Variants in ARSG observed in about 807,000 individuals in gnomAD.
ARSG encodes the protein arylsulfatase G.
ARSG carries 37 observed loss-of-function variants against 50.5 expected under a neutral mutation model. The ratio of observed to expected loss-of-function variants is 0.73; its 90% CI spans 0.56 to 0.96. The LOEUF (loss-of-function observed/expected upper bound fraction) is 0.96. Ranked by LOEUF, ARSG falls within the 50% of genes least tolerant of loss-of-function variation. ARSG has a pLI of 0.00. For synonymous variants in ARSG, 225 were observed against 254.6 expected (o/e 0.88, Z 1.11); for missense variants, 629 against 675.3 (o/e 0.93, Z 0.76).
chr17:68,310,091 A>G (rs189085809), intron 2 of ARSG, among the ~76,000 whole-genome samples: 1 of 151,340 alleles, frequency 6.6e-6, no homozygotes, highest in African/African-American at 2.4e-5. Flanking sequence ...CTCCTGCCTC[A>G]GCCTCCCGAG....
chr17:68,290,341 G>A (rs544683866), upstream of ARSG, among the ~76,000 whole-genome samples: 65 of 152,336 alleles, frequency 4.3e-4, no homozygotes, highest in African/African-American at 1.2e-3. Context: ...AAAAAGAAAA[G>A]ACGACAACAA....
the ARSG span, among the ~76,000 whole-genome samples, chr17:68,440,406 G>A: frequency 1.8e-4 from 27 of 152,262 alleles, no homozygotes; most frequent in East Asian, 4.6e-3. Flanking sequence ...GTTACACAAA[G>A]CCTTTTTAAG....
intron 1 of ARSG, among the ~76,000 whole-genome samples, chr17:68,265,129 G>A (rs1262532808): frequency 6.7e-6 from 1 of 150,200 alleles, no homozygotes; most frequent in Non-Finnish European, 1.5e-5. Flanking sequence ...ACTCCAGCCT[G>A]GGCAACAAGG....
chr17:68,330,508 G>A (rs186531163), intron 2 of ARSG, among the ~76,000 whole-genome samples: 445 of 152,250 alleles, frequency 2.9e-3, no homozygotes, highest in Middle Eastern at 6.8e-3. Context: ...GAGTTGATAG[G>A]ACATGCTAAT....
chr17:68,295,164 A>G (rs2076161816), intron 1 of ARSG, among the ~76,000 whole-genome samples: 1 of 152,042 alleles, frequency 6.6e-6, no homozygotes, highest in African/African-American at 2.4e-5. Context: ...GGCAGAGAGG[A>G]CCTTGGGAGA....
intron 7 of ARSG, 22 bp from the exon 8 acceptor site, chr17:68,370,422 T>C (rs566033943): frequency 2.7e-5 from 44 of 1,613,098 alleles, no homozygotes; most frequent in South Asian, 2.6e-4. Context: ...TGGTGACCAT[T>C]AATGCTTTTT....
chr17:68,445,564 C>G, the ARSG span, among the ~76,000 whole-genome samples: 1 of 152,238 alleles, frequency 6.6e-6, no homozygotes, highest in African/African-American at 2.4e-5. Flanking sequence ...GGGCTCCTCT[C>G]TCTGGTGCTT....
intron 2 of ARSG, among the ~76,000 whole-genome samples, chr17:68,308,492 A>G (rs1452473413): frequency 3.3e-5 from 5 of 152,092 alleles, no homozygotes; most frequent in African/African-American, 1.2e-4. Context: ...TGGCTTCAGG[A>G]GTGAAGCTGC....
At position 68,322,290 on chromosome 17, in the gene ARSG, C is replaced by A. The variant is rs533551275; in HGVS notation, c.218+14579C>A. 4.6e-5 allele frequency among the ~76,000 whole-genome samples: 7 copies of A among 152,306 alleles called. No individual in the cohort carries two copies. The South Asian group carries it at 1.4e-3, about 32-fold the overall frequency. ...CAACTCTAAGCCCCATCTCATGAAA[C>A]CTACACCCGGCAAAGGAACTCAAAA... On this transcript the variant is annotated intron_variant, in intron 2 of 11. Transcript: ENST00000621439.
At chr17:68,272,320 T>G (rs1379691548) in intron 1 of ARSG, among the ~76,000 whole-genome samples, 2 of 152,218 alleles carry the variant, frequency 1.3e-5, no homozygotes, top group African/African-American at 4.8e-5. Flanking sequence ...TGAATGTAGC[T>G]CTTTTGAAAA....
chr17:68,428,635 A>G, the ARSG span: 2 of 548,200 alleles, frequency 3.6e-6, no homozygotes, highest in East Asian at 3.2e-5. Context: ...GCACTTTTCC[A>G]GATGATTACC....
chr17:68,272,812 T>A, intron 1 of ARSG: 2 of 1,609,370 alleles, frequency 1.2e-6, no homozygotes, highest in Non-Finnish European at 1.7e-6. Flanking sequence ...CACATACTGC[T>A]TGAGACTGGA....
chr17:68,327,409 G>T (rs1445193628), intron 2 of ARSG, among the ~76,000 whole-genome samples: 1 of 152,154 alleles, frequency 6.6e-6, no homozygotes, highest in Non-Finnish European at 1.5e-5. Context: ...TCCCTCCACA[G>T]CGCTAGGAGA....
At chr17:68,324,891 T>TA (rs1256467844) in intron 2 of ARSG, among the ~76,000 whole-genome samples, 2 of 152,170 alleles carry the variant, frequency 1.3e-5, no homozygotes, top group Non-Finnish European at 2.9e-5. Flanking sequence ...AACACACAGG[T>TA]ATACACACTT....
In ARSG at chr17:68,383,434, G is replaced by A. The variant is rs140981342; in HGVS notation, c.983-1630G>A. On this transcript the variant is annotated intron_variant, in intron 8 of 11. Transcript: ENST00000621439. ...TGGCTTGTTTCCTGGAACCACAGCC[G>A]TGATCTTTCCTTAGCATCTGGCCTC... Among the ~76,000 whole-genome samples the A allele has an allele frequency of 7.8e-3, 1,191 of 152,276 alleles. 8 individuals are homozygous for A. The highest frequency in any genetic ancestry group is 0.02 in the East Asian group (106 of 5,188).
downstream of ARSG, chr17:68,421,827 A>G: frequency 6.2e-7 from 1 of 1,614,174 alleles, no homozygotes; most frequent in African/African-American, 1.3e-5. Flanking sequence ...TTATCTACCA[A>G]AATCAAAACA....
chr17:68,356,927 G>A, intron 6 of ARSG, 123 bp downstream of exon 6: 2 of 1,194,408 alleles, frequency 1.7e-6, no homozygotes, highest in Non-Finnish European at 2.4e-6. Context: ...CAGCAGAGAT[G>A]GATGCATACA....
downstream of ARSG, chr17:68,421,461 A>T (rs1486369557): frequency 2.8e-6 from 1 of 362,900 alleles, no homozygotes; most frequent in Non-Finnish European, 5.2e-6. Context: ...CACGGCATAT[A>T]TTTAAAAAGG....
chr17:68,359,576 A>C (rs1365315285), intron 6 of ARSG: 1 of 152,218 alleles, frequency 6.6e-6, no homozygotes, highest in East Asian at 1.9e-4. Flanking sequence ...CACGTGCTGC[A>C]CGGCTGTCCA....
Sources: gnomAD v4.1 joint callset for allele counts (sites outside exome capture counted in the v4.1 genomes callset) on GRCh38, gnomAD v4.1.1 for gene constraint, MANE v1.5 for transcripts, NCBI Gene and HGNC (gene_info 2026-07-23, HGNC 2026-07-21) for gene names.